JAML: variants seen among roughly 807,000 people sequenced by gnomAD.
JAML encodes junctional adhesion molecule-like.
JAML carries 25 observed loss-of-function variants against 39.3 expected under a neutral mutation model. That is an observed-to-expected ratio of 0.64 (90% CI 0.46 to 0.89). The LOEUF (loss-of-function observed/expected upper bound fraction) is 0.89, where lower values mean the gene tolerates loss of function less well. Among genes scored for constraint, JAML ranks in the 40% least tolerant of loss-of-function variants. JAML has a pLI of 0.00. For missense variants in JAML, 440 were observed against 486.9 expected, an observed-to-expected ratio of 0.90 and a Z score of 0.91; for synonymous variants, 162 against 179.2, an observed-to-expected ratio of 0.90 and a Z score of 0.77.
chr11:118,194,464 G>T, intron 9 of JAML, 47 bp from the exon 10 acceptor site: 2 of 1,497,646 alleles, frequency 1.3e-6, no homozygotes, highest in South Asian at 1.1e-5. Flanking sequence ...GTAAGAAGTA[G>T]TTCCATAATC....
intron 1 of JAML, among the ~76,000 whole-genome samples, chr11:118,216,394 T>C (rs1949144018): frequency 6.6e-6 from 1 of 151,916 alleles, no homozygotes; most frequent in South Asian, 2.1e-4. Flanking sequence ...AATTGATTAC[T>C]TAAGACATTC....
intron 4 of JAML, among the ~76,000 whole-genome samples, chr11:118,207,062 A>G (rs1431566730): frequency 1.3e-5 from 2 of 152,262 alleles, no homozygotes; most frequent in Non-Finnish European, 2.9e-5. Flanking sequence ...GAAATGCACA[A>G]TAGGAGGAAA....
intron 1 of JAML, among the ~76,000 whole-genome samples, chr11:118,218,413 C>T (rs1025327628): frequency 1.3e-5 from 2 of 152,150 alleles, no homozygotes; most frequent in Admixed American, 6.5e-5. Flanking sequence ...TTAATAGTAC[C>T]TCTACCTTTC....
At position 118,193,964 on chromosome 11, in the gene JAML, A is replaced by C; in HGVS notation, c.*361T>G. The C allele has an allele frequency of 5.0e-6, 1 of 200,538 alleles. No individual in the cohort carries two copies. Among genetic ancestry groups the C allele is most frequent in the Non-Finnish European group, 1.0e-5 (1 of 95,790 alleles). The allele number at this position is 200,538 out of a possible 1,614,324, so 12.4% of individuals were successfully genotyped here. ...TATTTAGAAATAATGTGCCAGAGGA[A>C]TGATTTGGGTTGGTTTTTATCTCTG... On this transcript the variant is annotated 3_prime_UTR_variant, in exon 10 of 10. Transcript: ENST00000356289.
intron 3 of JAML, 101 bp from the exon 4 acceptor site, chr11:118,210,813 A>G: frequency 2.1e-6 from 2 of 932,564 alleles, no homozygotes; most frequent in Non-Finnish European, 3.3e-6. Context: ...AGCTATCATC[A>G]TGATCATGAT....
intron 9 of JAML, among the ~76,000 whole-genome samples, chr11:118,196,425 G>C (rs1284975001): frequency 6.6e-6 from 1 of 152,148 alleles, no homozygotes; most frequent in East Asian, 1.9e-4. Context: ...ACCACACCCG[G>C]CCGTGTTTTC....
At chr11:118,224,306 G>A (rs1949238944) in intron 1 of JAML, among the ~76,000 whole-genome samples, 1 of 152,140 alleles carries the variant, frequency 6.6e-6, no homozygotes, top group Non-Finnish European at 1.5e-5. Context: ...CCTTTCCCAA[G>A]GTCAGGGCTG....
chr11:118,212,910 C>T, intron 2 of JAML: 2 of 1,614,260 alleles, frequency 1.2e-6, no homozygotes, highest in Non-Finnish European at 8.5e-7. Flanking sequence ...CTCACCTCCA[C>T]TTACCATAAC....
chr11:118,197,923 G>T, intron 8 of JAML, 75 bp downstream of exon 8: 2 of 1,350,970 alleles, frequency 1.5e-6, no homozygotes, highest in Non-Finnish European at 2.1e-6. Context: ...CAATGGGTAA[G>T]ATATGGTTCC....
At chr11:118,196,137 T>A (rs1394689413) in intron 9 of JAML, among the ~76,000 whole-genome samples, 1 of 151,264 alleles carries the variant, frequency 6.6e-6, no homozygotes, top group Admixed American at 6.6e-5. Flanking sequence ...TCGGCCTTTT[T>A]TTTTTTTTTT....
intron 4 of JAML, among the ~76,000 whole-genome samples, 179 bp from the exon 5 acceptor site, chr11:118,206,170 C>T (rs563986683): frequency 1.3e-5 from 2 of 152,308 alleles, no homozygotes; most frequent in Admixed American, 6.5e-5. Flanking sequence ...GATGATTCCA[C>T]GTGGGCAAAG....
At chr11:118,210,861 G>T in intron 3 of JAML, 149 bp from the exon 4 acceptor site, 1 of 653,644 alleles carries the variant, frequency 1.5e-6, no homozygotes, top group Non-Finnish European at 2.6e-6. Flanking sequence ...AAAATAATGT[G>T]CCAGGCAACA....
rs371373622 is a variant in JAML at position 118,212,387 on chromosome 11, T to C, written c.198+20A>G. 8.2e-5 allele frequency: 132 copies of C among 1,612,520 alleles called. No homozygotes were observed. Among genetic ancestry groups the C allele is most frequent in the Non-Finnish European group, 1.1e-4 (127 of 1,179,334 alleles). ...GCAGTCAGGGGCTTCTATTACATAG[T>C]GATGTTTCCCCCGCGTTACCTTGGC... On this transcript the variant is annotated intron_variant, in intron 3 of 9. Transcript: ENST00000356289.
intron 1 of JAML, among the ~76,000 whole-genome samples, chr11:118,216,434 C>T (rs989183350): frequency 6.6e-6 from 1 of 152,082 alleles, no homozygotes; most frequent in Non-Finnish European, 1.5e-5. Context: ...CAACAAAATC[C>T]TCTACCTGGA....
intron 4 of JAML, among the ~76,000 whole-genome samples, chr11:118,208,755 T>TGTAA (rs1948978179): frequency 6.6e-6 from 1 of 152,256 alleles, no homozygotes; most frequent in African/African-American, 2.4e-5. Flanking sequence ...TATTTTTATT[T>TGTAA]GTAAGTTTTA....
intron 2 of JAML, among the ~76,000 whole-genome samples, chr11:118,214,167 A>G (rs1420319403): frequency 6.6e-6 from 1 of 152,180 alleles, no homozygotes; most frequent in Non-Finnish European, 1.5e-5. Flanking sequence ...GGCATGGGGG[A>G]AAAGGATGAA....
intron 4 of JAML, among the ~76,000 whole-genome samples, chr11:118,209,871 CT>C (rs1166306239): frequency 6.7e-6 from 1 of 150,024 alleles, no homozygotes; most frequent in South Asian, 2.1e-4. Context: ...TTTCTTTTCT[CT>C]TTTTTTATTT....
chr11:118,221,560 G>A (rs548095291), intron 1 of JAML, among the ~76,000 whole-genome samples: 4 of 152,310 alleles, frequency 2.6e-5, no homozygotes, highest in Admixed American at 2.6e-4. Context: ...GATCTGAAAG[G>A]AGGCAGAGCT....
chr11:118,211,036 C>A (rs1247428745), intron 3 of JAML, among the ~76,000 whole-genome samples: 1 of 152,178 alleles, frequency 6.6e-6, no homozygotes, highest in Non-Finnish European at 1.5e-5. Flanking sequence ...CATTTTCACC[C>A]TATTTTCTGC....
Sources: gnomAD v4.1 joint callset for allele counts (sites outside exome capture counted in the v4.1 genomes callset) on GRCh38, gnomAD v4.1.1 for gene constraint, MANE v1.5 for transcripts, NCBI Gene and HGNC (gene_info 2026-07-23, HGNC 2026-07-21) for gene names.